SATB1: variants seen among roughly 807,000 people sequenced by gnomAD.
SATB1 encodes the protein DNA-binding protein SATB1.
In SATB1, 11 loss-of-function variants were observed where a neutral mutation model predicts 86.9. That is an observed-to-expected ratio of 0.13 (90% confidence interval 0.08 to 0.21). SATB1 has a LOEUF of 0.21. SATB1 is among the 10% of genes least tolerant of loss of function. The pLI is 1.00. For missense variants in SATB1, 551 were observed against 937.6 expected (o/e 0.59, Z 5.39); for synonymous variants, 357 against 357.2 (o/e 1.00, Z 0.01).
chr3:18,401,008 C>T lies in SATB1; in HGVS notation c.640-3718G>A, dbSNP rs889624526. Among the ~76,000 whole-genome samples, 9 of 152,314 alleles carry T rather than the reference C, an allele frequency of 5.9e-5. No homozygotes were observed. In the South Asian group the frequency reaches 6.2e-4, roughly 11 times the overall value. Reference sequence around the variant, plus strand: ...ACACCACTCCTCTGGCTTGGATGCACGGCCCATGCCCTCTCCCATCTCTAG... The same window carrying T: ...ACACCACTCCTCTGGCTTGGATGCATGGCCCATGCCCTCTCCCATCTCTAG... On this transcript the variant is annotated intron_variant, in intron 5 of 10. Transcript: ENST00000338745.
At chr3:18,404,476 AT>A (rs1187430460) in intron 5 of SATB1, among the ~76,000 whole-genome samples, 6 of 152,046 alleles carry the variant, frequency 3.9e-5, no homozygotes, top group Non-Finnish European at 7.4e-5. Flanking sequence ...ACCCTGGCAC[AT>A]TGCTAAAATT....
intron 9 of SATB1, among the ~76,000 whole-genome samples, chr3:18,366,207 C>G (rs1056161799): frequency 6.6e-6 from 1 of 151,756 alleles, no homozygotes; most frequent in Non-Finnish European, 1.5e-5. Context: ...TTAAATGCTA[C>G]AGGTACCAAT....
At chr3:18,368,027 T>G (rs2125163444) in intron 9 of SATB1, among the ~76,000 whole-genome samples, 1 of 152,312 alleles carries the variant, frequency 6.6e-6, no homozygotes, top group South Asian at 2.1e-4. Context: ...TAAATTTTAT[T>G]TACCTCCACT....
In SATB1 at chr3:18,388,321, G is replaced by T. The variant is rs143181809; in HGVS notation, c.1207-1710C>A. The stretch of plus-strand genomic sequence containing the variant: ...GCCATATTGAAAGTAAAACATTCAG[G>T]TCTCAAAAAAAAAAAGTTTGAAAAT... On this transcript the variant is annotated intron_variant, in intron 7 of 10. Transcript: ENST00000338745. Among the ~76,000 whole-genome samples, 707 of 151,646 alleles carry T rather than the reference G, an allele frequency of 4.7e-3. 6 individuals carry two copies. The highest frequency in any genetic ancestry group is 0.015 in the African/African-American group (633 of 41,382).
intron 10 of SATB1, chr3:18,350,819 A>T (rs1306620245): frequency 6.4e-6 from 1 of 156,168 alleles, no homozygotes; most frequent in Non-Finnish European, 1.4e-5. Flanking sequence ...AAATAACTTT[A>T]TTACTGTTTT....
In SATB1 at chr3:18,444,643, G is replaced by A. The variant is rs1163470668; in HGVS notation, c.-25+875C>T. The A allele has an allele frequency of 1.0e-6, 1 of 984,222 alleles. No individual in the cohort carries two copies. The highest frequency in any genetic ancestry group is 6.2e-5 in the Admixed American group (1 of 16,218). 61.0% of individuals were successfully genotyped at this position (984,222 alleles called of 1,614,324 possible). A position where few individuals can be genotyped will look rare whatever the true frequency, so the allele number is the denominator to read the frequency against. ...CGTTGGGGGCGGCGGTGGCTGTCGA[G>A]TGCGGGCCTGAAACCAAGAACGGCT... On this transcript the variant is annotated intron_variant, in intron 1 of 3. Coordinates refer to the SATB1 transcript ENST00000415069. This position sits in a 1 kb window ranked among gnomAD's most constrained non-coding sequence, Gnocchi z 5.1.
intron 9 of SATB1, among the ~76,000 whole-genome samples, chr3:18,362,553 A>C (rs1308280492): frequency 1.4e-5 from 2 of 145,690 alleles, no homozygotes; most frequent in East Asian, 1.9e-4. Flanking sequence ...TTCTGTATTC[A>C]AAAAAAAAAT....
chr3:18,378,507 T>C (rs1049711189), intron 8 of SATB1, among the ~76,000 whole-genome samples, 182 bp from the exon 9 acceptor site: 11 of 152,170 alleles, frequency 7.2e-5, no homozygotes. Context: ...GAAGTCACAT[T>C]GTCACAGGTG....
chr3:18,392,693 G>A (rs1048680292), intron 7 of SATB1, among the ~76,000 whole-genome samples: 1 of 151,748 alleles, frequency 6.6e-6, no homozygotes, highest in Non-Finnish European at 1.5e-5. Flanking sequence ...GTTATGTAGA[G>A]ACCTACTTTT....
chr3:18,444,940 G>C lies in SATB1; in HGVS notation c.-25+578C>G, dbSNP rs1160634108. 1 of 141,546 alleles carries C rather than the reference G, an allele frequency of 7.1e-6. No homozygotes were observed. Among genetic ancestry groups the C allele is most frequent in the Non-Finnish European group, 1.6e-5 (1 of 63,874 alleles). 8.8% of individuals were successfully genotyped at this position (141,546 alleles called of 1,614,324 possible). On this transcript the variant is annotated intron_variant, in intron 1 of 3. Transcript: ENST00000415069. This position sits in a 1 kb window ranked among gnomAD's most constrained non-coding sequence, Gnocchi z 5.1. Reference sequence around the variant, plus strand: ...GGGAGAAGGGGGAGGGGGCGGCGGCGGGGGCGGGAGGGGGAAGGGGCCGGC... The same window carrying C: ...GGGAGAAGGGGGAGGGGGCGGCGGCCGGGGCGGGAGGGGGAAGGGGCCGGC...
At chr3:18,388,834 A>G (rs1559424477) in intron 7 of SATB1, among the ~76,000 whole-genome samples, 1 of 152,188 alleles carries the variant, frequency 6.6e-6, no homozygotes, top group African/African-American at 2.4e-5. Flanking sequence ...TAGGTATTTA[A>G]AAATCCCAAA....
intron 6 of SATB1, among the ~76,000 whole-genome samples, chr3:18,395,502 G>A (rs1696921228): frequency 6.6e-6 from 1 of 152,160 alleles, no homozygotes; most frequent in South Asian, 2.1e-4. Flanking sequence ...ATAATAATAA[G>A]TGTATATTGA....
At chr3:18,390,055 A>G (rs1393314667) in intron 7 of SATB1, among the ~76,000 whole-genome samples, 1 of 152,180 alleles carries the variant, frequency 6.6e-6, no homozygotes, top group Non-Finnish European at 1.5e-5. Flanking sequence ...TTTACAAGTT[A>G]TTACAAGTAA....
At chr3:18,423,200 G>A (rs903758014) in intron 1 of SATB1, among the ~76,000 whole-genome samples, 5 of 152,134 alleles carry the variant, frequency 3.3e-5, no homozygotes, top group African/African-American at 1.2e-4. Context: ...TGAGTTACAC[G>A]TTACAACCCA....
Position 18,394,538 on chromosome 3 carries a change from T to G in SATB1, c.1130A>C (p.Gln377Pro). 1.2e-6 allele frequency: 2 copies of G among 1,614,182 alleles called. No homozygotes were observed. Among genetic ancestry groups the G allele is most frequent in the Non-Finnish European group, 1.7e-6 (2 of 1,180,022 alleles). Residue 377 changes from glutamine (Q) to proline (P), a missense_variant, in exon 7 of 11, where the codon CAG becomes CCG. By Grantham distance (76) the Gln-to-Pro change is moderately conservative. Around this residue, in one of 8 missense-constraint regions of SATB1, gnomAD observed 119 missense variants for 171.1 expected, o/e 0.70. Coordinates refer to ENST00000338745, the MANE Select transcript of SATB1 (RefSeq NM_002971.6). The surrounding 1 kb of genome is among the most constrained non-coding windows in gnomAD (Gnocchi z 5.9). The part of the protein sequence containing the change: ...TNTEVSSEIY[Q>P]WVRDELKRAG... Reference sequence around the variant, plus strand: ...TCGTTTCAGTTCATCGCGTACCCACTGGTAGATTTCGGAAGACACCTCTGT... The same window carrying G: ...TCGTTTCAGTTCATCGCGTACCCACGGGTAGATTTCGGAAGACACCTCTGT...
chr3:18,349,899 G>C lies in SATB1; in HGVS notation c.1780-217C>G. The stretch of plus-strand genomic sequence containing the variant: ...GAAGGGATGAATTAAGACAGCTTTG[G>C]GGGGCTACTGCACTTACTTATCAGA... On this transcript the variant is annotated intron_variant, in intron 10 of 10. Coordinates refer to ENST00000338745, the MANE Select transcript of SATB1 (RefSeq NM_002971.6). The surrounding 1 kb of genome is among the most constrained non-coding windows in gnomAD (Gnocchi z 5.5). 4.1e-6 allele frequency: 3 copies of C among 738,270 alleles called. No individual in the cohort carries two copies. Among genetic ancestry groups the C allele is most frequent in the Admixed American group, 3.2e-5 (1 of 31,518 alleles). 45.7% of individuals were successfully genotyped at this position (738,270 alleles called of 1,614,324 possible). A position where few individuals can be genotyped will look rare whatever the true frequency, so the allele number is the denominator to read the frequency against.
intron 9 of SATB1, 43 bp downstream of exon 9, chr3:18,378,127 G>A: frequency 6.7e-7 from 1 of 1,498,714 alleles, no homozygotes. Flanking sequence ...AATTCTACAG[G>A]CAACACAGAT....
At chr3:18,443,137 T>G (rs142549115), upstream of SATB1, among the ~76,000 whole-genome samples, 1,067 of 152,324 alleles carry the variant, frequency 7.0e-3, 11 homozygotes, top group African/African-American at 0.025. The surrounding 1 kb of genome is among the most constrained non-coding windows in gnomAD (Gnocchi z 4.4). Context: ...AAATTTCAAC[T>G]AAGTTTCAAC....
chr3:18,351,816 T>C, intron 10 of SATB1, 176 bp downstream of exon 10: 1 of 627,740 alleles, frequency 1.6e-6, no homozygotes, highest in Non-Finnish European at 2.8e-6. Context: ...ATACATACGC[T>C]GGAAAAAGTA....
Sources: allele counts gnomAD v4.1 joint callset (sites outside exome capture counted in the v4.1 genomes callset), GRCh38; gene constraint gnomAD v4.1.1; regional missense constraint gnomAD v4.1.1; non-coding constraint Gnocchi (gnomAD v3.1); transcripts MANE v1.5; gene names NCBI Gene and HGNC (gene_info 2026-07-23, HGNC 2026-07-21).